Variants in PTER observed in about 807,000 individuals in gnomAD.
PTER encodes phosphotriesterase related, also known as N-acetyltaurine hydrolase.
PTER carries 38 observed loss-of-function variants against 29.6 expected under a neutral mutation model. That is an observed-to-expected ratio of 1.28 (90% CI 0.99 to 1.68). The LOEUF (loss-of-function observed/expected upper bound fraction) is 1.68, where lower values mean the gene tolerates loss of function less well. PTER is among the 40% of genes most tolerant of loss of function. The pLI, the probability that PTER is intolerant of heterozygous loss-of-function variation, is 0.00. For missense variants in PTER, 482 were observed against 427.8 expected, an observed-to-expected ratio of 1.13 and a Z score of -1.12; for synonymous variants, 172 against 154.5, an observed-to-expected ratio of 1.11 and a Z score of -0.84.
chr10:16,472,846 G>A (rs1423582448), intron 1 of PTER, among the ~76,000 whole-genome samples: 1 of 152,170 alleles, frequency 6.6e-6, no homozygotes, highest in Non-Finnish European at 1.5e-5. Flanking sequence ...TTGTAGAAGT[G>A]AGAATTTTAT....
At chr10:16,495,755 A>G (rs1202371565) in intron 3 of PTER, among the ~76,000 whole-genome samples, 1 of 152,170 alleles carries the variant, frequency 6.6e-6, no homozygotes, top group Non-Finnish European at 1.5e-5. Flanking sequence ...AGGAGTTACA[A>G]TTAAATCAAA....
At chr10:16,509,758 C>T (rs1392638229) in intron 4 of PTER, among the ~76,000 whole-genome samples, 1 of 152,108 alleles carries the variant, frequency 6.6e-6, no homozygotes, top group East Asian at 1.9e-4. Context: ...TTCAATGAGG[C>T]AAAAAATCAT....
intron 1 of PTER, among the ~76,000 whole-genome samples, chr10:16,477,288 ATAGATAG>A (rs1835309417): frequency 7.0e-6 from 1 of 142,122 alleles, no homozygotes; most frequent in Non-Finnish European, 1.5e-5. Context: ...AGATAGATAG[ATAGATAG>A]ATAGATGGAT....
At chr10:16,460,937 G>C (rs923169263) in intron 1 of PTER, among the ~76,000 whole-genome samples, 3 of 152,070 alleles carry the variant, frequency 2.0e-5, no homozygotes, top group Non-Finnish European at 1.5e-5. Context: ...GGCTGGTCTC[G>C]AACTCCTGAC....
intron 1 of PTER, among the ~76,000 whole-genome samples, chr10:16,438,526 G>T (rs1377523818): frequency 1.3e-5 from 2 of 148,566 alleles, no homozygotes; most frequent in African/African-American, 4.9e-5. Context: ...CCAGGTTGGT[G>T]TCAAACTCCT....
At chr10:16,488,184 A>T (rs961981570) in intron 3 of PTER, among the ~76,000 whole-genome samples, 2 of 152,194 alleles carry the variant, frequency 1.3e-5, no homozygotes, top group African/African-American at 4.8e-5. Flanking sequence ...GGTTGCACTG[A>T]TAAAGTAGAG....
intron 1 of PTER, among the ~76,000 whole-genome samples, chr10:16,453,335 CT>C (rs1834281547): frequency 6.6e-6 from 1 of 152,058 alleles, no homozygotes; most frequent in African/African-American, 2.4e-5. Flanking sequence ...TTATTGGAAA[CT>C]AAAAATTGTG....
intron 1 of PTER, among the ~76,000 whole-genome samples, chr10:16,474,528 G>A (rs993359292): frequency 5.9e-5 from 9 of 152,128 alleles, no homozygotes; most frequent in African/African-American, 2.2e-4. Flanking sequence ...CTACTGCTGT[G>A]TAACAAACCA....
chr10:16,498,012 A>G (rs1836178333), intron 3 of PTER, among the ~76,000 whole-genome samples: 1 of 152,212 alleles, frequency 6.6e-6, no homozygotes. Context: ...GAGCAAAAGT[A>G]TAAAATATGC....
In PTER at chr10:16,484,449, G is replaced by T. The variant is rs145190870; in HGVS notation, c.65G>T (p.Arg22Leu). The change falls in exon 2 of 5, where the codon CGT (arginine) becomes CTT (leucine). Residue 22 changes from arginine (R) to leucine (L), a missense_variant. Transcript: ENST00000535784. The part of the protein sequence containing the change: ...LGLVEPSKLG[R>L]TLTHEHLAMT... ...CTTGTAGAGCCAAGCAAACTGGGCC[G>T]TACCCTGACCCATGAACACCTGGCC... 2.5e-6 allele frequency: 4 copies of T among 1,613,878 alleles called. No homozygotes were observed. In the Admixed American group the frequency reaches 6.7e-5, roughly 27 times the overall value.
chr10:16,472,108 C>T (rs886688579), intron 1 of PTER, among the ~76,000 whole-genome samples: 3 of 152,292 alleles, frequency 2.0e-5, no homozygotes, highest in Non-Finnish European at 2.9e-5. Flanking sequence ...ATGACTACTG[C>T]TAACTTTTAA....
At chr10:16,458,887 A>T (rs1049638649) in intron 1 of PTER, among the ~76,000 whole-genome samples, 3 of 152,230 alleles carry the variant, frequency 2.0e-5, no homozygotes, top group Admixed American at 1.3e-4. Flanking sequence ...TGAAGTGAGC[A>T]TAAAGCACCT....
In PTER at chr10:16,511,575, T is replaced by G; in HGVS notation, c.*319T>G. The G allele has an allele frequency of 3.8e-6, 1 of 263,978 alleles. No individual in the cohort carries two copies. The highest frequency in any genetic ancestry group is 7.3e-6 in the Non-Finnish European group (1 of 136,946). The allele number at this position is 263,978 out of a possible 1,614,324, so 16.4% of individuals were successfully genotyped here. ...CTCCCTAATCTATCAGCTGCACTACTTGAGAAAATTTAAAGTGTTTCTAGT... is the reference window on the plus strand; with the variant it reads ...CTCCCTAATCTATCAGCTGCACTACGTGAGAAAATTTAAAGTGTTTCTAGT... On this transcript the variant is annotated 3_prime_UTR_variant, in exon 5 of 5. Transcript: ENST00000535784.
At chr10:16,464,595 A>G (rs568840366) in intron 1 of PTER, among the ~76,000 whole-genome samples, 4 of 152,036 alleles carry the variant, frequency 2.6e-5, no homozygotes, top group Non-Finnish European at 2.9e-5. Context: ...TTGTGTCAGT[A>G]TTTTTCACTG....
intron 1 of PTER, among the ~76,000 whole-genome samples, chr10:16,474,563 A>G (rs1303962588): frequency 1.3e-5 from 2 of 152,084 alleles, no homozygotes; most frequent in Admixed American, 6.6e-5. Flanking sequence ...GTGCTCTAAC[A>G]GAATAATATA....
At position 16,486,334 on chromosome 10, in the gene PTER, C is replaced by T. The variant is rs775084110; in HGVS notation, c.433-18C>T. The T allele has an allele frequency of 2.5e-6, 4 of 1,597,226 alleles. No homozygotes were observed. The highest frequency in any genetic ancestry group is 1.1e-5 in the South Asian group (1 of 89,596). ...ATTTCACAACCTATAAAATATATTCCTTCTCACTCTTCCTTAGCTTACCGA... is the reference window on the plus strand; with the variant it reads ...ATTTCACAACCTATAAAATATATTCTTTCTCACTCTTCCTTAGCTTACCGA... On this transcript the variant is annotated intron_variant, in intron 2 of 4. Coordinates refer to ENST00000535784, the MANE Select transcript of PTER (RefSeq NM_001261836.2).
At position 16,450,857 on chromosome 10, in the gene PTER, C is replaced by G. The variant is rs1259448856; in HGVS notation, c.-49+13810C>G. Among the ~76,000 whole-genome samples the G allele has an allele frequency of 2.0e-5, 3 of 152,288 alleles. No homozygotes were observed. The East Asian group carries it at 5.8e-4, about 29-fold the overall frequency. The stretch of plus-strand genomic sequence containing the variant: ...ATGTACAGAGTCACTAAACCCCTTG[C>G]CCCTCATGAGTGGTGAATCAGGAGT... On this transcript the variant is annotated intron_variant, in intron 1 of 4. Transcript: ENST00000535784.
chr10:16,515,616 A>G (rs944909316), downstream of PTER, among the ~76,000 whole-genome samples: 1 of 152,150 alleles, frequency 6.6e-6, no homozygotes, highest in African/African-American at 2.4e-5. Context: ...TAGTGAGTTG[A>G]TAGACATTTA....
chr10:16,511,023 T>C (rs1192743510), intron 4 of PTER, 23 bp from the exon 5 acceptor site: 1 of 1,593,080 alleles, frequency 6.3e-7, no homozygotes. Context: ...AAATGACATC[T>C]AATGAGTTAA....
Sources: gnomAD v4.1 joint callset for allele counts (sites outside exome capture counted in the v4.1 genomes callset) on GRCh38, gnomAD v4.1.1 for gene constraint, MANE v1.5 for transcripts, NCBI Gene and HGNC (gene_info 2026-07-23, HGNC 2026-07-21) for gene names.